TTC39C: variants seen among roughly 807,000 people sequenced by gnomAD.
The protein encoded by TTC39C is tetratricopeptide repeat domain 39C, also known as tetratricopeptide repeat protein 39C.
TTC39C carries 33 observed loss-of-function variants against 76.3 expected under a neutral mutation model. The observed-to-expected ratio is 0.43, with a 90% confidence interval of 0.33 to 0.58. The LOEUF (loss-of-function observed/expected upper bound fraction) is 0.58, where lower values mean the gene tolerates loss of function less well. TTC39C is among the 20% of genes least tolerant of loss of function. The probability of loss-of-function intolerance (pLI) is 0.04; values close to 1 mark genes in which losing one functional copy is unlikely to be tolerated. For missense variants in TTC39C, 595 were observed against 701.4 expected (o/e 0.85, Z 1.71); for synonymous variants, 254 against 260.6 (o/e 0.97, Z 0.24).
At chr18:24,095,479 A>T (rs932207555) in intron 6 of TTC39C, among the ~76,000 whole-genome samples, 6 of 152,174 alleles carry the variant, frequency 3.9e-5, no homozygotes, top group African/African-American at 1.4e-4. Context: ...CCAGCAGATC[A>T]CCTGAGATCA....
At chr18:24,096,000 A>G (rs375480401) in intron 6 of TTC39C, among the ~76,000 whole-genome samples, 9 of 152,330 alleles carry the variant, frequency 5.9e-5, no homozygotes, top group South Asian at 4.1e-4. Context: ...CACACACAAC[A>G]TTTATCAACT....
At chr18:24,131,115 G>T (rs1037784861) in intron 12 of TTC39C, among the ~76,000 whole-genome samples, 3 of 148,878 alleles carry the variant, frequency 2.0e-5, no homozygotes, top group African/African-American at 7.4e-5. Flanking sequence ...AACCTGGGGG[G>T]CTGAGGTGAG....
rs897973326 is a variant in TTC39C, at chr18:24,041,317, G to A, written c.168-22823G>A. Among the ~76,000 whole-genome samples, 7 of 152,144 alleles carry A rather than the reference G, an allele frequency of 4.6e-5. No homozygotes were observed. The East Asian group carries it at 1.2e-3, about 25-fold the overall frequency. ...TTCCCTTGATAATTGGCATTGATTCGCTAGCACAGGAAGAGAAAGCTGGAG... is the reference window on the plus strand; with the variant it reads ...TTCCCTTGATAATTGGCATTGATTCACTAGCACAGGAAGAGAAAGCTGGAG... On this transcript the variant is annotated intron_variant, in intron 1 of 13. Transcript: ENST00000317571.
At chr18:24,119,378 T>G (rs900069060) in intron 8 of TTC39C, among the ~76,000 whole-genome samples, 1 of 152,246 alleles carries the variant, frequency 6.6e-6, no homozygotes, top group Non-Finnish European at 1.5e-5. Flanking sequence ...TCAAGACTAA[T>G]CCAAACATTA....
intron 1 of TTC39C, among the ~76,000 whole-genome samples, chr18:24,032,521 G>T (rs9963549): frequency 3.9e-5 from 6 of 152,256 alleles, no homozygotes; most frequent in Non-Finnish European, 7.3e-5. Flanking sequence ...GAATGGGACC[G>T]AAGTCTAAAC....
chr18:24,051,738 C>T (rs1406050857), intron 1 of TTC39C, among the ~76,000 whole-genome samples: 1 of 152,184 alleles, frequency 6.6e-6, no homozygotes. Flanking sequence ...GAAATAAGCA[C>T]GTGTGCTTTT....
chr18:24,081,107 G>T (rs1568430418), intron 5 of TTC39C, among the ~76,000 whole-genome samples, 168 bp downstream of exon 5: 1 of 152,164 alleles, frequency 6.6e-6, no homozygotes, highest in Non-Finnish European at 1.5e-5. Flanking sequence ...TGTGGTCGTG[G>T]TGGTGGTTCT....
intron 11 of TTC39C, 43 bp downstream of exon 11, chr18:24,129,026 A>G (rs775341748): frequency 1.3e-6 from 2 of 1,496,018 alleles, no homozygotes; most frequent in Admixed American, 1.7e-5. Context: ...ATAAGTCACG[A>G]ACACCTACGT....
intron 8 of TTC39C, among the ~76,000 whole-genome samples, chr18:24,123,083 G>A (rs954853352): frequency 6.6e-6 from 1 of 152,174 alleles, no homozygotes; most frequent in Non-Finnish European, 1.5e-5. Context: ...ACTTGGACAG[G>A]ACAGATTGAT....
At chr18:24,005,916 C>T (rs1196499189) in intron 1 of TTC39C, among the ~76,000 whole-genome samples, 1 of 151,658 alleles carries the variant, frequency 6.6e-6, no homozygotes, top group African/African-American at 2.4e-5. Flanking sequence ...CAGAGTTATG[C>T]AACCAATCAC....
intron 11 of TTC39C, 52 bp downstream of exon 11, chr18:24,129,035 G>C: frequency 7.2e-7 from 1 of 1,391,872 alleles, no homozygotes; most frequent in Non-Finnish European, 1.0e-6. Flanking sequence ...GAACACCTAC[G>C]TATATGCTTG....
At chr18:24,024,016 ATTTTTT>A (rs1181326548) in intron 1 of TTC39C, among the ~76,000 whole-genome samples, 1 of 5,478 alleles carries the variant, frequency 1.8e-4, no homozygotes, top group Non-Finnish European at 3.1e-4. Flanking sequence ...ATATATATAT[ATTTTTT>A]TTTTTTTTTG....
intron 1 of TTC39C, among the ~76,000 whole-genome samples, chr18:24,056,750 G>T (rs1000280001): frequency 1.3e-5 from 2 of 151,984 alleles, no homozygotes; most frequent in South Asian, 2.1e-4. Flanking sequence ...ATTACTGATG[G>T]TTCATTTTAA....
Position 24,130,303 on chromosome 18 carries a change from T to C in TTC39C, c.1519-10T>C, listed in dbSNP as rs377217707. ...ATGAATTCATCCAATAACATTTGCA[T>C]TCCTTTCAGTACTTCCAGCGAGCTG... is the stretch of plus-strand genomic sequence containing the variant. On this transcript the variant is annotated splice_polypyrimidine_tract_variant and intron_variant, in intron 11 of 13. Transcript: ENST00000317571. 1.4e-6 allele frequency: 2 copies of C among 1,481,428 alleles called. No individual in the cohort carries two copies. Among genetic ancestry groups the C allele is most frequent in the Non-Finnish European group, 1.9e-6 (2 of 1,076,736 alleles). 91.8% of individuals were successfully genotyped at this position (1,481,428 alleles called of 1,614,324 possible).
chr18:24,068,724 G>A (rs980382151), intron 3 of TTC39C, among the ~76,000 whole-genome samples: 2 of 152,276 alleles, frequency 1.3e-5, no homozygotes, highest in East Asian at 1.9e-4. Context: ...TTGCATGCAC[G>A]AAAAGAATGC....
At chr18:24,080,987 G>A (rs1651281195) in intron 5 of TTC39C, 48 bp downstream of exon 5, 1 of 1,485,776 alleles carries the variant, frequency 6.7e-7, no homozygotes, top group African/African-American at 1.4e-5. Context: ...AGTGTTGAAA[G>A]TAAGTAAACG....
chr18:24,098,754 C>A lies in TTC39C; in HGVS notation c.984+15673C>A, dbSNP rs1211399775. 2.0e-5 allele frequency among the ~76,000 whole-genome samples: 3 copies of A among 151,724 alleles called. No individual in the cohort carries two copies. In the East Asian group the frequency reaches 5.8e-4, roughly 29 times the overall value. ...TCAAGCAATTCTCCTGCCTCAGCCT[C>A]CTGAGTAGCTGGGAGTACAGGTGCC... On this transcript the variant is annotated intron_variant, in intron 6 of 13. Coordinates refer to ENST00000317571, the MANE Select transcript of TTC39C (RefSeq NM_001135993.2).
At position 24,023,957 on chromosome 18, in the gene TTC39C, TATATATATATATATATATATATA is replaced by T. The variant is rs1568408751; in HGVS notation, c.167+8920_167+8942del. On this transcript the variant is annotated intron_variant, in intron 1 of 13. Transcript: ENST00000317571. ...ACATATATATATATGCATGTATATA[TATATATATATATATATATATATA>T]CATATATATATATATATATATATAT... Among the ~76,000 whole-genome samples the T allele has an allele frequency of 8.2e-3, 86 of 10,436 alleles. 3 individuals carry two copies. The highest frequency in any genetic ancestry group is 0.011 in the African/African-American group (68 of 6,448). The allele number at this position is 10,436 out of a possible 152,430, so 6.8% of individuals were successfully genotyped here. A position where few individuals can be genotyped will look rare whatever the true frequency, so the allele number is the denominator to read the frequency against.
chr18:24,021,478 G>A (rs1463557877), intron 1 of TTC39C, among the ~76,000 whole-genome samples: 1 of 151,304 alleles, frequency 6.6e-6, no homozygotes, highest in Non-Finnish European at 1.5e-5. Context: ...GGAAGAGAAA[G>A]TCATGCCTCC....
Sources: allele counts gnomAD v4.1 joint callset (sites outside exome capture counted in the v4.1 genomes callset), GRCh38; gene constraint gnomAD v4.1.1; transcripts MANE v1.5; gene names NCBI Gene and HGNC (gene_info 2026-07-23, HGNC 2026-07-21).